PPFIA2: variants seen among roughly 807,000 people sequenced by gnomAD.
PPFIA2 encodes PPFI scaffold protein A2.
A neutral mutation model predicts 175.5 loss-of-function variants in PPFIA2; 46 were observed. The observed-to-expected ratio is 0.26, with a 90% CI of 0.21 to 0.34. PPFIA2 has a LOEUF of 0.34. Among genes scored for constraint, PPFIA2 ranks in the 10% least tolerant of loss-of-function variants. The pLI is 1.00. For synonymous variants in PPFIA2, 568 were observed against 511.4 expected (o/e 1.11, Z -1.49); for missense variants, 1,179 against 1,506.1 (o/e 0.78, Z 3.60).
At chr12:81,351,293 A>G (rs536423563) in intron 17 of PPFIA2, among the ~76,000 whole-genome samples, 2 of 152,278 alleles carry the variant, frequency 1.3e-5, no homozygotes, top group African/African-American at 4.8e-5. Context: ...GTTAGGCTAT[A>G]ATATTAAATT....
intron 4 of PPFIA2, among the ~76,000 whole-genome samples, chr12:81,582,398 TA>T (rs1352626544): frequency 6.6e-6 from 1 of 151,872 alleles, no homozygotes; most frequent in Non-Finnish European, 1.5e-5. Flanking sequence ...TATTTCTCTA[TA>T]TTTTTTGAAA....
intron 4 of PPFIA2, among the ~76,000 whole-genome samples, chr12:81,500,209 A>G (rs555503184): frequency 6.6e-6 from 1 of 152,134 alleles, no homozygotes; most frequent in Non-Finnish European, 1.5e-5. Flanking sequence ...AAGACACACA[A>G]AAAAACTGAG....
intron 4 of PPFIA2, chr12:81,546,463 T>C (rs1227887282): frequency 2.0e-5 from 3 of 152,254 alleles, no homozygotes; most frequent in South Asian, 2.1e-4. Flanking sequence ...AAAAGGAAAG[T>C]CACTTCTACA....
At chr12:81,446,762 AT>A (rs1215865171) in intron 5 of PPFIA2, among the ~76,000 whole-genome samples, 1 of 152,112 alleles carries the variant, frequency 6.6e-6, no homozygotes, top group Non-Finnish European at 1.5e-5. Context: ...AAACAACTTT[AT>A]TTTTTTCTTT....
chr12:81,395,304 C>T (rs889652737), intron 8 of PPFIA2, among the ~76,000 whole-genome samples: 3 of 151,888 alleles, frequency 2.0e-5, no homozygotes, highest in Admixed American at 6.6e-5. Context: ...TATTGAAGAA[C>T]ATAAAATAAT....
intron 28 of PPFIA2, among the ~76,000 whole-genome samples, chr12:81,269,436 T>TA (rs1317491493): frequency 1.3e-5 from 2 of 152,246 alleles, no homozygotes; most frequent in Non-Finnish European, 2.9e-5. Context: ...CAACTTTAAC[T>TA]GTTTTAAATA....
rs1379511832 is a variant in PPFIA2 at position 81,658,952 on chromosome 12, G to A, written c.303+17839C>T. 2.0e-5 allele frequency among the ~76,000 whole-genome samples: 3 copies of A among 152,062 alleles called. No homozygotes were observed. In the South Asian group the frequency reaches 6.2e-4, roughly 32 times the overall value. On this transcript the variant is annotated intron_variant, in intron 4 of 32. Transcript: ENST00000549396. ...ATTGCACTTTAAATAATTTAACCAGGAAGTTGAATATATATTAATATTTAT... is the reference window on the plus strand; with the variant it reads ...ATTGCACTTTAAATAATTTAACCAGAAAGTTGAATATATATTAATATTTAT...
At chr12:81,526,482 T>C (rs552596748) in intron 4 of PPFIA2, among the ~76,000 whole-genome samples, 2 of 152,312 alleles carry the variant, frequency 1.3e-5, no homozygotes, top group Non-Finnish European at 2.9e-5. Context: ...GTAAATCTCT[T>C]TACTGTTTAA....
intron 28 of PPFIA2, among the ~76,000 whole-genome samples, chr12:81,270,456 T>C (rs918975010): frequency 9.2e-5 from 14 of 152,082 alleles, no homozygotes; most frequent in African/African-American, 3.4e-4. Flanking sequence ...AATGAGTCAA[T>C]AGAGTGGGCC....
At chr12:81,341,617 G>C (rs141503217) in intron 19 of PPFIA2, among the ~76,000 whole-genome samples, 5 of 152,220 alleles carry the variant, frequency 3.3e-5, no homozygotes, top group African/African-American at 1.2e-4. Flanking sequence ...TGTTAGAGTA[G>C]TTTATGTGTG....
intron 22 of PPFIA2, among the ~76,000 whole-genome samples, chr12:81,304,891 C>G (rs1022150261): frequency 6.6e-6 from 1 of 151,922 alleles, no homozygotes; most frequent in Non-Finnish European, 1.5e-5. Context: ...ATTATAAAGG[C>G]ATTTCTGGCT....
intron 3 of PPFIA2, among the ~76,000 whole-genome samples, chr12:81,712,469 A>T (rs2153616363): frequency 6.6e-6 from 1 of 151,472 alleles, no homozygotes; most frequent in African/African-American, 2.4e-5. Context: ...ATTTTGGTTT[A>T]TAAGGATGCA....
chr12:81,563,245 T>C (rs994378830), intron 4 of PPFIA2, among the ~76,000 whole-genome samples: 10 of 152,210 alleles, frequency 6.6e-5, no homozygotes, highest in African/African-American at 9.7e-5. Flanking sequence ...CCCCCTTTCT[T>C]CTGGCATCTC....
In PPFIA2 at chr12:81,489,914, T is replaced by C. The variant is rs560426306; in HGVS notation, c.304-32048A>G. Reference sequence around the variant, plus strand: ...GTTCTAACACTATAGAGAAGGCCAATTGAATATTCCCTCAGATAGAAATGA... The same window carrying C: ...GTTCTAACACTATAGAGAAGGCCAACTGAATATTCCCTCAGATAGAAATGA... On this transcript the variant is annotated intron_variant, in intron 4 of 32. Coordinates refer to ENST00000549396, the MANE Select transcript of PPFIA2 (RefSeq NM_003625.5). Among the ~76,000 whole-genome samples the C allele has an allele frequency of 3.3e-5, 5 of 152,072 alleles. No homozygotes were observed. The East Asian group carries it at 5.8e-4, about 18-fold the overall frequency.
intron 4 of PPFIA2, among the ~76,000 whole-genome samples, chr12:81,566,567 A>G (rs2071365327): frequency 6.6e-6 from 1 of 151,894 alleles, no homozygotes; most frequent in African/African-American, 2.4e-5. Flanking sequence ...AGAAAAGAAA[A>G]AAAGAAAAGT....
At chr12:81,359,790 G>A (rs1176017830) in intron 15 of PPFIA2, among the ~76,000 whole-genome samples, 1 of 151,604 alleles carries the variant, frequency 6.6e-6, no homozygotes, top group African/African-American at 2.4e-5. Flanking sequence ...TTATTTCACA[G>A]CTCCAGATAA....
intron 4 of PPFIA2, among the ~76,000 whole-genome samples, chr12:81,491,694 C>T (rs1250412833): frequency 6.6e-6 from 1 of 151,942 alleles, no homozygotes; most frequent in African/African-American, 2.4e-5. Flanking sequence ...ACTTCTCAAC[C>T]TCCAGAATTG....
chr12:81,560,660 T>C (rs1025604526), intron 4 of PPFIA2, among the ~76,000 whole-genome samples: 1 of 152,132 alleles, frequency 6.6e-6, no homozygotes, highest in Non-Finnish European at 1.5e-5. Context: ...TGTTCAAAAA[T>C]TTGCCTTTAC....
At chr12:81,679,311 A>G (rs773274301) in intron 3 of PPFIA2, among the ~76,000 whole-genome samples, 2 of 151,914 alleles carry the variant, frequency 1.3e-5, no homozygotes, top group Non-Finnish European at 2.9e-5. Context: ...GAGTTAATAC[A>G]TGTCTTTCTT....
Sources: gnomAD v4.1 joint callset for allele counts (sites outside exome capture counted in the v4.1 genomes callset) on GRCh38, gnomAD v4.1.1 for gene constraint, MANE v1.5 for transcripts, NCBI Gene and HGNC (gene_info 2026-07-23, HGNC 2026-07-21) for gene names.